Variants in RANBP9 observed in about 807,000 individuals in gnomAD.
The protein encoded by RANBP9 is RAN binding protein 9.
Under a neutral mutation model 84.3 loss-of-function variants are expected in RANBP9, and 15 were observed. That is an observed-to-expected ratio of 0.18 (90% CI 0.12 to 0.27). RANBP9 has a LOEUF of 0.27. Among genes scored for constraint, RANBP9 ranks in the 10% least tolerant of loss-of-function variants. RANBP9 has a pLI of 1.00. For missense variants in RANBP9, 809 were observed against 912.8 expected, an observed-to-expected ratio of 0.89 and a Z score of 1.46; for synonymous variants, 392 against 349.6, an observed-to-expected ratio of 1.12 and a Z score of -1.35.
intron 1 of RANBP9, among the ~76,000 whole-genome samples, chr6:13,702,272 A>G (rs901487128): frequency 2.6e-5 from 4 of 152,118 alleles, no homozygotes; most frequent in African/African-American, 9.7e-5. Context: ...GTGAAATCCC[A>G]TCTCTACTAA....
intron 2 of RANBP9, among the ~76,000 whole-genome samples, chr6:13,661,097 T>G (rs1386443877): frequency 1.3e-5 from 2 of 152,226 alleles, no homozygotes; most frequent in Non-Finnish European, 2.9e-5. Context: ...TGGAATAGCC[T>G]TCTCCTCTTG....
At chr6:13,699,925 G>A (rs1362178420) in intron 1 of RANBP9, among the ~76,000 whole-genome samples, 1 of 152,126 alleles carries the variant, frequency 6.6e-6, no homozygotes, top group African/African-American at 2.4e-5. Context: ...GATTTGGGAT[G>A]CTCAAACTTG....
At chr6:13,658,361 C>T (rs1765457953) in intron 3 of RANBP9, among the ~76,000 whole-genome samples, 1 of 152,192 alleles carries the variant, frequency 6.6e-6, no homozygotes, top group African/African-American at 2.4e-5. Context: ...GTAATCCTAA[C>T]AGTTTGGGAG....
intron 2 of RANBP9, among the ~76,000 whole-genome samples, chr6:13,695,008 A>G (rs1766409250): frequency 6.6e-6 from 1 of 152,244 alleles, no homozygotes; most frequent in Non-Finnish European, 1.5e-5. Flanking sequence ...TAAAAAGAAT[A>G]AAGTTTACTA....
At chr6:13,657,316 G>A (rs1391877715) in intron 3 of RANBP9, 40 bp from the exon 4 acceptor site, 7 of 1,551,812 alleles carry the variant, frequency 4.5e-6, no homozygotes, top group Non-Finnish European at 6.2e-6. Context: ...TGAAAAGTAA[G>A]GTTCCTCTGT....
rs563281065 is a variant in RANBP9 at position 13,657,290 on chromosome 6, T to G, written c.737-14A>C. The stretch of plus-strand genomic sequence containing the variant: ...GCTTATCCCAACCTAAGGAGAAAGT[T>G]CCGGCATATTTACAATGAAAAGTAA... On this transcript the variant is annotated splice_polypyrimidine_tract_variant and intron_variant, in intron 3 of 13. Coordinates refer to ENST00000011619, the MANE Select transcript of RANBP9 (RefSeq NM_005493.3). 6.2e-7 allele frequency: 1 copy of G among 1,603,422 alleles called. No homozygotes were observed. The highest frequency in any genetic ancestry group is 1.3e-5 in the African/African-American group (1 of 74,710).
At chr6:13,710,494 A>G (rs1357508423) in intron 1 of RANBP9, among the ~76,000 whole-genome samples, 2 of 152,084 alleles carry the variant, frequency 1.3e-5, no homozygotes, top group African/African-American at 4.8e-5. Context: ...ATTAGAAATC[A>G]TACCTCAGAA....
chr6:13,660,097 A>G (rs1765506255), intron 2 of RANBP9, among the ~76,000 whole-genome samples: 1 of 152,236 alleles, frequency 6.6e-6, no homozygotes, highest in Non-Finnish European at 1.5e-5. Context: ...GGACAGCCAC[A>G]ATAACTACAG....
Position 13,642,530 on chromosome 6 carries a change from A to C in RANBP9, c.1174T>G (p.Ser392Ala), listed in dbSNP as rs780069055. ...TCTTCTAGAACGGTCTGGTCTGTAG[A>C]TCTGGCAAAGGCCTCTGCTGTGGCA... ...YCATAEAFAR[S>A]TDQTVLEELA... The change falls in exon 7 of 14, where the codon TCT becomes GCT. Residue 392 changes from serine (S) to alanine (A), a missense_variant. Ser to Ala is a moderately conservative substitution (Grantham distance 99, BLOSUM62 1). Around this residue, in one of 5 missense-constraint regions of RANBP9, gnomAD observed 216 missense variants for 329.0 expected, o/e 0.66. Transcript: ENST00000011619. The C allele has an allele frequency of 6.2e-7, 1 of 1,612,314 alleles. No homozygotes were observed. The highest frequency in any genetic ancestry group is 8.5e-7 in the Non-Finnish European group (1 of 1,178,760).
intron 12 of RANBP9, among the ~76,000 whole-genome samples, chr6:13,627,889 C>T (rs980913821): frequency 6.6e-6 from 1 of 152,042 alleles, no homozygotes; most frequent in African/African-American, 2.4e-5. Context: ...TAAGACTACA[C>T]TGTCTAGTGC....
chr6:13,693,906 G>A (rs973468957), intron 2 of RANBP9, among the ~76,000 whole-genome samples: 1 of 151,798 alleles, frequency 6.6e-6, no homozygotes, highest in Non-Finnish European at 1.5e-5. Flanking sequence ...AGCCAGGTGT[G>A]GTGGTGGGCG....
chr6:13,623,687 C>G (rs776069936), intron 13 of RANBP9, among the ~76,000 whole-genome samples: 1 of 152,074 alleles, frequency 6.6e-6, no homozygotes, highest in African/African-American at 2.4e-5. Flanking sequence ...TTTCATAACA[C>G]TATATAGATG....
chr6:13,665,957 GA>G (rs1450524036), intron 2 of RANBP9, among the ~76,000 whole-genome samples: 1 of 152,142 alleles, frequency 6.6e-6, no homozygotes, highest in Non-Finnish European at 1.5e-5. Context: ...GGCTGCCTCT[GA>G]AAGGGTGGCT....
At chr6:13,656,408 A>G (rs925400242) in intron 4 of RANBP9, among the ~76,000 whole-genome samples, 28 of 152,276 alleles carry the variant, frequency 1.8e-4, no homozygotes, top group African/African-American at 6.3e-4. Context: ...GTTTAAAAAA[A>G]AAAACTTCTA....
chr6:13,632,691 G>C (rs951341281), intron 11 of RANBP9, 170 bp from the exon 12 acceptor site: 1 of 646,612 alleles, frequency 1.5e-6, no homozygotes, highest in Non-Finnish European at 2.6e-6. Context: ...GCAGCTAAAA[G>C]ATATACTTTA....
chr6:13,674,205 T>C (rs77123496), intron 2 of RANBP9, among the ~76,000 whole-genome samples: 22 of 151,854 alleles, frequency 1.4e-4, no homozygotes, highest in African/African-American at 5.1e-4. Flanking sequence ...ATCATCTAAA[T>C]ATACCAATTA....
At chr6:13,705,773 G>C (rs577515401) in intron 1 of RANBP9, among the ~76,000 whole-genome samples, 20 of 150,546 alleles carry the variant, frequency 1.3e-4, no homozygotes, top group African/African-American at 4.9e-4. Flanking sequence ...TGAAGCAGGA[G>C]AATGGTCTGA....
At chr6:13,651,601 C>T (rs1395545108) in intron 5 of RANBP9, among the ~76,000 whole-genome samples, 3 of 151,702 alleles carry the variant, frequency 2.0e-5, no homozygotes, top group Non-Finnish European at 4.4e-5. Context: ...GGGGGTTCAC[C>T]GTGTTGGCCA....
intron 2 of RANBP9, among the ~76,000 whole-genome samples, chr6:13,682,954 A>G (rs1766079932): frequency 6.6e-6 from 1 of 152,196 alleles, no homozygotes; most frequent in Non-Finnish European, 1.5e-5. Context: ...TTAATTCTAA[A>G]ATCTAGGTGG....
Sources: gnomAD v4.1 joint callset for allele counts (sites outside exome capture counted in the v4.1 genomes callset) on GRCh38, gnomAD v4.1.1 for gene constraint, gnomAD v4.1.1 regional missense constraint, MANE v1.5 for transcripts, NCBI Gene and HGNC (gene_info 2026-07-23, HGNC 2026-07-21) for gene names.